The following TBC1D5 variants were observed in gnomAD, a reference collection of about 807,000 sequenced individuals.
TBC1D5 encodes the protein TBC1 domain family member 5, also known as TBC1 domain family, member 5.
A neutral mutation model predicts 100.3 loss-of-function variants in TBC1D5; 75 were observed. The observed-to-expected ratio is 0.75, with a 90% CI of 0.62 to 0.91. The LOEUF (loss-of-function observed/expected upper bound fraction) is 0.91, where lower values mean the gene tolerates loss of function less well. TBC1D5 is among the 40% of genes least tolerant of loss of function. The pLI is 0.00. For missense variants in TBC1D5, 910 were observed against 942.4 expected (o/e 0.97, Z 0.45); for synonymous variants, 323 against 325.6 (o/e 0.99, Z 0.09).
chr3:17,289,485 T>C (rs1285835266), intron 15 of TBC1D5, among the ~76,000 whole-genome samples: 1 of 151,832 alleles, frequency 6.6e-6, no homozygotes, highest in Non-Finnish European at 1.5e-5. Context: ...AATACAAAAA[T>C]TAGCCGGGTG....
intron 18 of TBC1D5, among the ~76,000 whole-genome samples, chr3:17,186,972 G>A (rs2069201214): frequency 6.6e-6 from 1 of 152,048 alleles, no homozygotes; most frequent in Non-Finnish European, 1.5e-5. Flanking sequence ...TCCTAACTCT[G>A]CAGCTGAGCA....
chr3:17,691,765 C>G (rs962087015), intron 1 of TBC1D5, among the ~76,000 whole-genome samples: 1 of 150,562 alleles, frequency 6.6e-6, no homozygotes, highest in Non-Finnish European at 1.5e-5. Context: ...TGCAGTGAGC[C>G]GAGATCGAGC....
chr3:17,627,464 A>T (rs772766783), intron 1 of TBC1D5, among the ~76,000 whole-genome samples: 54 of 152,234 alleles, frequency 3.5e-4, no homozygotes, highest in Non-Finnish European at 4.9e-4. Context: ...AAAATCTATA[A>T]ATACACCTGA....
At chr3:17,542,690 T>C (rs2096370456) in intron 2 of TBC1D5, among the ~76,000 whole-genome samples, 1 of 152,232 alleles carries the variant, frequency 6.6e-6, no homozygotes, top group Non-Finnish European at 1.5e-5. Context: ...TTTTGTCAAG[T>C]GCTTTTTCTG....
chr3:17,277,105 A>G (rs1332642735), intron 15 of TBC1D5, among the ~76,000 whole-genome samples: 2 of 152,250 alleles, frequency 1.3e-5, no homozygotes, highest in Non-Finnish European at 2.9e-5. Flanking sequence ...CAGTTGGTCA[A>G]CCTCACTAAT....
chr3:17,304,274 T>A (rs778231209), intron 14 of TBC1D5, among the ~76,000 whole-genome samples: 41 of 152,158 alleles, frequency 2.7e-4, no homozygotes, highest in Non-Finnish European at 5.0e-4. Context: ...TTCTAGATGC[T>A]GGTATATGGG....
At position 17,393,634 on chromosome 3, in the gene TBC1D5, C is replaced by T. The variant is rs921472616; in HGVS notation, c.509+9547G>A. 9.9e-5 allele frequency among the ~76,000 whole-genome samples: 15 copies of T among 152,120 alleles called. 1 individual carries two copies. The South Asian group carries it at 1.9e-3, about 19-fold the overall frequency. On this transcript the variant is annotated intron_variant, in intron 8 of 21. Transcript: ENST00000253692. ...CTGGTACCAAAACAGATATACAGAA[C>T]GATGGAACAGAACAGAGGCCTGAGA...
Position 17,536,455 on chromosome 3 carries a change from T to C in TBC1D5, c.-35-27850A>G, listed in dbSNP as rs377658182. On this transcript the variant is annotated intron_variant, in intron 2 of 21. Coordinates refer to ENST00000253692, the Ensembl canonical transcript of TBC1D5. Reference sequence around the variant, plus strand: ...TTAATGTTACCAAATACGTTCATAATGTTGCTCCACCATTTTCATCATCTA... The same window carrying C: ...TTAATGTTACCAAATACGTTCATAACGTTGCTCCACCATTTTCATCATCTA... 5.3e-5 allele frequency among the ~76,000 whole-genome samples: 8 copies of C among 152,346 alleles called. No individual in the cohort carries two copies. In the East Asian group the frequency reaches 9.6e-4, roughly 18 times the overall value.
chr3:17,214,277 T>G, exon 18 of TBC1D5: 1 of 1,613,628 alleles, frequency 6.2e-7, no homozygotes, highest in Non-Finnish European at 8.5e-7. Flanking sequence ...GGAATCTTTT[T>G]TAGTAGCAGA....
intron 2 of TBC1D5, among the ~76,000 whole-genome samples, chr3:17,618,891 C>A (rs946116635): frequency 2.0e-5 from 3 of 152,184 alleles, no homozygotes; most frequent in Non-Finnish European, 4.4e-5. Flanking sequence ...CTTCAGCTCA[C>A]CCTCCATGGG....
chr3:17,382,876 T>C (rs761735437), intron 9 of TBC1D5, among the ~76,000 whole-genome samples: 2 of 152,122 alleles, frequency 1.3e-5, no homozygotes, highest in Non-Finnish European at 2.9e-5. Context: ...GTTTCCTTCA[T>C]ATAGCTTTTG....
intron 14 of TBC1D5, among the ~76,000 whole-genome samples, chr3:17,305,851 G>A (rs1174419032): frequency 6.6e-6 from 1 of 152,086 alleles, no homozygotes; most frequent in African/African-American, 2.4e-5. Context: ...CATCACAACT[G>A]TTAACTGATG....
At chr3:17,359,432 G>C (rs970409411) in intron 13 of TBC1D5, among the ~76,000 whole-genome samples, 2 of 151,922 alleles carry the variant, frequency 1.3e-5, no homozygotes, top group Non-Finnish European at 2.9e-5. Context: ...AATTATACCG[G>C]TAAAACTCTG....
chr3:17,477,470 A>C (rs1444717857), intron 3 of TBC1D5, among the ~76,000 whole-genome samples: 1 of 151,964 alleles, frequency 6.6e-6, no homozygotes, highest in African/African-American at 2.4e-5. Context: ...TCTGTCCCCA[A>C]ATTGGGATTG....
chr3:17,259,169 A>C (rs2078033220), intron 15 of TBC1D5, among the ~76,000 whole-genome samples: 1 of 152,232 alleles, frequency 6.6e-6, no homozygotes, highest in African/African-American at 2.4e-5. Flanking sequence ...GGTAGTAGAA[A>C]TATTACCAGG....
chr3:17,603,155 G>GTT (rs1224220563), intron 2 of TBC1D5, among the ~76,000 whole-genome samples: 77 of 133,848 alleles, frequency 5.8e-4, no homozygotes, highest in Middle Eastern at 7.8e-3. Flanking sequence ...AAGTTTTTTG[G>GTT]TTTTTTTTTT....
intron 2 of TBC1D5, among the ~76,000 whole-genome samples, chr3:17,603,156 T>G (rs1007060615): frequency 7.6e-5 from 9 of 118,132 alleles, no homozygotes; most frequent in South Asian, 2.5e-4. Context: ...AGTTTTTTGG[T>G]TTTTTTTTTT....
chr3:17,632,327 GCTT>G (rs2063564905), intron 1 of TBC1D5, among the ~76,000 whole-genome samples: 1 of 152,292 alleles, frequency 6.6e-6, no homozygotes, highest in African/African-American at 2.4e-5. Flanking sequence ...ATTAGAATTT[GCTT>G]CTTATGGATG....
At chr3:17,208,364 C>T (rs2072513483) in intron 18 of TBC1D5, among the ~76,000 whole-genome samples, 2 of 152,224 alleles carry the variant, frequency 1.3e-5, no homozygotes, top group South Asian at 4.1e-4. Context: ...CTTGCATTGA[C>T]AATACATATA....
Sources: allele counts gnomAD v4.1 joint callset (sites outside exome capture counted in the v4.1 genomes callset), GRCh38; gene constraint gnomAD v4.1.1; transcripts MANE v1.5; gene names NCBI Gene and HGNC (gene_info 2026-07-23, HGNC 2026-07-21).